Variants in TMTC2 observed in about 807,000 individuals in gnomAD.
The protein encoded by TMTC2 is transmembrane O-mannosyltransferase targeting cadherins 2, also known as protein O-mannosyl-transferase TMTC2.
TMTC2 carries 43 observed loss-of-function variants against 82.4 expected under a neutral mutation model. The observed-to-expected ratio is 0.52, with a 90% CI of 0.41 to 0.67. The LOEUF is 0.67. Ranked by LOEUF, TMTC2 falls within the 30% of genes least tolerant of loss-of-function variation. The probability of loss-of-function intolerance (pLI) is 0.00; values close to 1 mark genes in which losing one functional copy is unlikely to be tolerated. For synonymous variants in TMTC2, 408 were observed against 381.9 expected, an observed-to-expected ratio of 1.07 and a Z score of -0.80; for missense variants, 919 against 1,012.4, an observed-to-expected ratio of 0.91 and a Z score of 1.25.
Position 82,857,428 on chromosome 12 carries a change from A to G in TMTC2, c.502A>G (p.Thr168Ala), listed in dbSNP as rs191421267. 1 of 1,614,136 alleles carries G rather than the reference A, an allele frequency of 6.2e-7. No homozygotes were observed. Among genetic ancestry groups the G allele is most frequent in the Admixed American group, 1.7e-5 (1 of 60,010 alleles). The change falls in exon 2 of 12, where the codon ACC becomes GCC. Residue 168 changes from threonine (T) to alanine (A), a missense_variant. By Grantham distance (58) the Thr-to-Ala change is moderately conservative. Coordinates refer to ENST00000321196, the MANE Select transcript of TMTC2 (RefSeq NM_152588.3). ...HCSTRGYSAR[T>A]WGWFLGSGLC... ...TTCTACAAGAGGCTACTCAGCCAGA[A>G]CCTGGGGCTGGTTCCTGGGGTCAGG...
chr12:82,786,453 G>A (rs925594288), intron 1 of TMTC2, among the ~76,000 whole-genome samples: 6 of 152,016 alleles, frequency 3.9e-5, no homozygotes, highest in East Asian at 3.8e-4. Context: ...TTTTATTCAC[G>A]TTGACATAGA....
intron 1 of TMTC2, among the ~76,000 whole-genome samples, chr12:82,826,948 T>G (rs1184653391): frequency 6.6e-6 from 1 of 152,212 alleles, no homozygotes; most frequent in Non-Finnish European, 1.5e-5. Flanking sequence ...ATCTATTTTT[T>G]AAAGCTTGAG....
At chr12:82,809,502 G>A (rs1046654051) in intron 1 of TMTC2, among the ~76,000 whole-genome samples, 3 of 152,096 alleles carry the variant, frequency 2.0e-5, no homozygotes, top group African/African-American at 7.2e-5. Context: ...AGGGGAGATG[G>A]ATATTTTGAG....
chr12:83,053,365 G>T (rs1565870576), intron 10 of TMTC2, among the ~76,000 whole-genome samples: 1 of 151,984 alleles, frequency 6.6e-6, no homozygotes, highest in Non-Finnish European at 1.5e-5. Flanking sequence ...CACTTGGTTC[G>T]CTAGATAAGT....
chr12:82,793,791 T>C (rs1470681420), intron 1 of TMTC2, among the ~76,000 whole-genome samples: 1 of 152,156 alleles, frequency 6.6e-6, no homozygotes, highest in East Asian at 1.9e-4. Context: ...TTAGATTTAT[T>C]ACACTGTCTT....
chr12:82,729,749 C>G (rs572282478), intron 1 of TMTC2, among the ~76,000 whole-genome samples: 74 of 152,310 alleles, frequency 4.9e-4, no homozygotes, highest in African/African-American at 1.7e-3. Flanking sequence ...AGTGGCAACC[C>G]GCAGGGGCCG....
chr12:82,797,942 T>G (rs1206230079), intron 1 of TMTC2, among the ~76,000 whole-genome samples: 1 of 147,800 alleles, frequency 6.8e-6, no homozygotes, highest in Non-Finnish European at 1.5e-5. Context: ...CTAATTTTTT[T>G]TTTTTTTTTT....
At chr12:82,761,391 G>A (rs1022891376) in intron 1 of TMTC2, among the ~76,000 whole-genome samples, 1 of 152,188 alleles carries the variant, frequency 6.6e-6, no homozygotes, top group Non-Finnish European at 1.5e-5. Context: ...ATGAGGGTGG[G>A]GATGAGTACA....
chr12:82,755,544 A>G (rs1876261677), intron 1 of TMTC2, among the ~76,000 whole-genome samples: 1 of 152,198 alleles, frequency 6.6e-6, no homozygotes. Flanking sequence ...GAGTTTTTTT[A>G]GCCAATAATA....
chr12:82,932,362 G>A (rs1442140750), intron 4 of TMTC2, among the ~76,000 whole-genome samples: 1 of 151,914 alleles, frequency 6.6e-6, no homozygotes, highest in African/African-American at 2.4e-5. Flanking sequence ...TTTGTCACCT[G>A]GAATTCTTTC....
At chr12:82,836,827 G>GAA (rs144387615) in intron 1 of TMTC2, among the ~76,000 whole-genome samples, 5 of 146,406 alleles carry the variant, frequency 3.4e-5, no homozygotes, top group Non-Finnish European at 6.0e-5. Context: ...TAACAGGATA[G>GAA]AAAAAAAAAA....
chr12:82,953,232 A>T lies in TMTC2; in HGVS notation c.1599-11792A>T, dbSNP rs147272233. 2.7e-3 allele frequency among the ~76,000 whole-genome samples: 413 copies of T among 152,290 alleles called. 2 individuals are homozygous for T. The highest frequency in any genetic ancestry group is 9.7e-3 in the African/African-American group (402 of 41,556). ...TCTTGTGCTGCTCGTGACATGACCA[A>T]ACCTGGCTGCATGTTTGATCGTGGT... On this transcript the variant is annotated intron_variant, in intron 4 of 11. Coordinates refer to ENST00000321196, the MANE Select transcript of TMTC2 (RefSeq NM_152588.3).
At chr12:83,035,648 T>C (rs1156326867) in intron 9 of TMTC2, among the ~76,000 whole-genome samples, 1 of 152,202 alleles carries the variant, frequency 6.6e-6, no homozygotes, top group Non-Finnish European at 1.5e-5. Flanking sequence ...GCAAATTATA[T>C]AAAGTCTTTA....
intron 1 of TMTC2, among the ~76,000 whole-genome samples, chr12:82,734,726 C>T (rs1448422775): frequency 2.6e-5 from 4 of 152,114 alleles, no homozygotes; most frequent in Non-Finnish European, 5.9e-5. Flanking sequence ...AGGATGAAGT[C>T]CCTGAGATGC....
intron 2 of TMTC2, among the ~76,000 whole-genome samples, chr12:82,893,947 G>A (rs966252323): frequency 1.3e-5 from 2 of 152,184 alleles, no homozygotes; most frequent in Non-Finnish European, 2.9e-5. Flanking sequence ...GATGACAGAG[G>A]AGATGGAGAG....
At chr12:83,100,552 A>G (rs770296146) in intron 11 of TMTC2, among the ~76,000 whole-genome samples, 2 of 152,200 alleles carry the variant, frequency 1.3e-5, no homozygotes, top group Non-Finnish European at 1.5e-5. Flanking sequence ...TTGGACATAC[A>G]TATATTGTTT....
intron 3 of TMTC2, among the ~76,000 whole-genome samples, chr12:82,920,519 T>C (rs930357053): frequency 2.0e-5 from 3 of 152,208 alleles, no homozygotes; most frequent in Non-Finnish European, 4.4e-5. Flanking sequence ...GAAGCTTTCA[T>C]TGTGAATTAA....
intron 7 of TMTC2, 33 bp from the exon 8 acceptor site, chr12:82,985,892 C>T: frequency 2.5e-6 from 4 of 1,606,758 alleles, no homozygotes; most frequent in Non-Finnish European, 2.6e-6. Flanking sequence ...GCTGTATCCT[C>T]CCTTTGACCT....
intron 3 of TMTC2, among the ~76,000 whole-genome samples, chr12:82,897,500 T>G (rs1873743218): frequency 6.6e-6 from 1 of 152,184 alleles, no homozygotes; most frequent in South Asian, 2.1e-4. Flanking sequence ...TAGTAAATAG[T>G]ACTAAAGAGT....
Sources: allele counts gnomAD v4.1 joint callset (sites outside exome capture counted in the v4.1 genomes callset), GRCh38; gene constraint gnomAD v4.1.1; transcripts MANE v1.5; gene names NCBI Gene and HGNC (gene_info 2026-07-23, HGNC 2026-07-21).